The following USP42 variants were observed in gnomAD, a reference collection of about 807,000 sequenced individuals.
USP42 encodes the protein ubiquitin specific peptidase 42, also known as ubiquitin carboxyl-terminal hydrolase 42.
A neutral mutation model predicts 113.0 loss-of-function variants in USP42; 23 were observed. The observed-to-expected ratio is 0.20, with a 90% CI of 0.15 to 0.29. USP42 has a LOEUF of 0.29. USP42 is among the 10% of genes least tolerant of loss of function. The pLI is 1.00. For missense variants in USP42, 2,174 were observed against 1,779.8 expected (o/e 1.22, Z -3.99); for synonymous variants, 933 against 699.0 (o/e 1.33, Z -5.28).
rs895083141 is a variant in USP42 at position 6,161,353 on chromosome 7, T to A, written c.*835T>A. The A allele has an allele frequency of 1.3e-5, 2 of 152,606 alleles. No individual in the cohort carries two copies. The highest frequency in any genetic ancestry group is 2.4e-5 in the African/African-American group (1 of 41,440). The allele number at this position is 152,606 out of a possible 1,614,324, so 9.5% of individuals were successfully genotyped here. A position where few individuals can be genotyped will look rare whatever the true frequency, so the allele number is the denominator to read the frequency against. ...ATGCTATCAAACTGTGATACACTTATAATTCACTGGTCCTGCATCAGGAGA... is the reference window on the plus strand; with the variant it reads ...ATGCTATCAAACTGTGATACACTTAAAATTCACTGGTCCTGCATCAGGAGA... On this transcript the variant is annotated 3_prime_UTR_variant, in exon 18 of 18. Coordinates refer to ENST00000306177, the MANE Select transcript of USP42 (RefSeq NM_032172.3).
chr7:6,124,702 C>A (rs1158362106), intron 3 of USP42, among the ~76,000 whole-genome samples: 1 of 152,098 alleles, frequency 6.6e-6, no homozygotes, highest in African/African-American at 2.4e-5. Context: ...AATCTACCAT[C>A]TTGCTATTTT....
chr7:6,152,724 A>T (rs1466927627), intron 14 of USP42, among the ~76,000 whole-genome samples: 1 of 152,226 alleles, frequency 6.6e-6, no homozygotes, highest in African/African-American at 2.4e-5. Flanking sequence ...AGCAGCTTTC[A>T]TTATTAACCC....
intron 1 of USP42, among the ~76,000 whole-genome samples, chr7:6,106,443 T>C (rs991717757): frequency 7.2e-5 from 11 of 152,336 alleles, no homozygotes; most frequent in African/African-American, 2.4e-4. Context: ...TAGCATTTGA[T>C]AACAAGGGAG....
chr7:6,108,541 C>T (rs1013601343), intron 1 of USP42, among the ~76,000 whole-genome samples: 15 of 152,076 alleles, frequency 9.9e-5, no homozygotes, highest in African/African-American at 2.9e-4. Context: ...AGTGCAGTGG[C>T]GCGATCTCAG....
chr7:6,147,748 T>C lies in USP42; in HGVS notation c.1242T>C (p.Asp414=), dbSNP rs1463614314. The part of the protein sequence containing the change: ...AYVLFYIRSH[D]VKNGGELTHP... ...CTCTCCTTGTTTCCAGGTCCCATGA[T>C]GTGAAAAATGGAGGTGAACTTACTC... Residue 414 remains aspartate (D), a synonymous_variant, in exon 12 of 18, where the codon GAT becomes GAC. Coordinates refer to ENST00000306177, the MANE Select transcript of USP42 (RefSeq NM_032172.3). The C allele has an allele frequency of 1.3e-6, 2 of 1,581,772 alleles. No homozygotes were observed. Among genetic ancestry groups the C allele is most frequent in the Admixed American group, 3.5e-5 (2 of 57,518 alleles).
At position 6,155,213 on chromosome 7, in the gene USP42, T is replaced by G; in HGVS notation, c.3641+18T>G. 3.3e-6 allele frequency: 5 copies of G among 1,513,480 alleles called. No homozygotes were observed. The highest frequency in any genetic ancestry group is 4.4e-6 in the Non-Finnish European group (5 of 1,138,348). 93.8% of individuals were successfully genotyped at this position (1,513,480 alleles called of 1,614,324 possible). A position where few individuals can be genotyped will look rare whatever the true frequency, so the allele number is the denominator to read the frequency against. ...GACTCCAGGTGAGCCTGGGGCCTTGTGCTCCCCGAGGCGCTGGCGCTGCTG... is the reference window on the plus strand; with the variant it reads ...GACTCCAGGTGAGCCTGGGGCCTTGGGCTCCCCGAGGCGCTGGCGCTGCTG... On this transcript the variant is annotated intron_variant, in intron 15 of 17. Coordinates refer to ENST00000306177, the MANE Select transcript of USP42 (RefSeq NM_032172.3).
At position 6,159,318 on chromosome 7, in the gene USP42, G is replaced by T; in HGVS notation, c.3944-132G>T. On this transcript the variant is annotated intron_variant, in intron 16 of 17. Coordinates refer to ENST00000306177, the MANE Select transcript of USP42 (RefSeq NM_032172.3). The surrounding 1 kb of genome is among the most constrained non-coding windows in gnomAD (Gnocchi z 4.1). ...CTGGGACATCCCTGCTCACCTCACT[G>T]GGGAGTGGCCTCAGGCGCTCACAGG... is the stretch of plus-strand genomic sequence containing the variant. 8.7e-7 allele frequency: 1 copy of T among 1,151,784 alleles called. No individual in the cohort carries two copies. The highest frequency in any genetic ancestry group is 1.3e-6 in the Non-Finnish European group (1 of 786,718). 71.3% of individuals were successfully genotyped at this position (1,151,784 alleles called of 1,614,324 possible).
the USP42 span, chr7:6,081,605 G>T: frequency 6.6e-6 from 1 of 152,298 alleles, no homozygotes; most frequent in African/African-American, 2.4e-5. Context: ...TTTCCGACTG[G>T]GCAGGCGGGG....
At chr7:6,086,497 G>A in the USP42 span, among the ~76,000 whole-genome samples, 5 of 150,708 alleles carry the variant, frequency 3.3e-5, 1 homozygote, top group African/African-American at 9.9e-5. Flanking sequence ...GAGCCACCGC[G>A]CCCAGCCTAG....
intron 7 of USP42, among the ~76,000 whole-genome samples, chr7:6,141,480 G>C (rs1454673555): frequency 6.6e-6 from 1 of 151,946 alleles, no homozygotes; most frequent in African/African-American, 2.4e-5. Flanking sequence ...ACAGGCGTGA[G>C]CCACCGCGCC....
At chr7:6,105,354 C>A (rs867639519) in intron 1 of USP42, among the ~76,000 whole-genome samples, 4 of 148,708 alleles carry the variant, frequency 2.7e-5, no homozygotes, top group Admixed American at 2.0e-4. Flanking sequence ...CCCACCCCCA[C>A]CCGGCCCCAG....
the USP42 span, among the ~76,000 whole-genome samples, chr7:6,088,296 C>T: frequency 6.6e-6 from 1 of 150,910 alleles, no homozygotes; most frequent in African/African-American, 2.5e-5. Context: ...GATCTGTCAC[C>T]CTAGGCTGGA....
At chr7:6,129,578 G>A (rs1780731962) in intron 3 of USP42, among the ~76,000 whole-genome samples, 2 of 127,728 alleles carry the variant, frequency 1.6e-5, no homozygotes, top group African/African-American at 3.0e-5. Context: ...AAAAAAAAAA[G>A]GACGAGGCGC....
At chr7:6,155,221 G>C (rs749724749) in intron 15 of USP42, 26 bp downstream of exon 15, 1 of 1,503,426 alleles carries the variant, frequency 6.7e-7, no homozygotes, top group South Asian at 1.3e-5. Flanking sequence ...TGTGCTCCCC[G>C]AGGCGCTGGC....
At chr7:6,153,584 GTAAC>G (rs1453456582) in intron 14 of USP42, among the ~76,000 whole-genome samples, 168 bp from the exon 15 acceptor site, 2 of 152,218 alleles carry the variant, frequency 1.3e-5, no homozygotes, top group Admixed American at 6.5e-5. Flanking sequence ...GTATACATAT[GTAAC>G]TAACCTGCAC....
At chr7:6,114,956 C>G (rs1225501432) in intron 2 of USP42, among the ~76,000 whole-genome samples, 1 of 151,890 alleles carries the variant, frequency 6.6e-6, no homozygotes, top group African/African-American at 2.4e-5. Context: ...TCCCAAAGTG[C>G]TGGGATTATA....
chr7:6,109,013 C>T (rs1198771354), intron 1 of USP42, among the ~76,000 whole-genome samples: 1 of 152,148 alleles, frequency 6.6e-6, no homozygotes, highest in African/African-American at 2.4e-5. Flanking sequence ...AGTAAAACAG[C>T]TGTGGAGTAG....
the USP42 span, among the ~76,000 whole-genome samples, chr7:6,087,666 G>A: frequency 3.0e-3 from 458 of 150,930 alleles, 2 homozygotes; most frequent in Non-Finnish European, 5.6e-3. Flanking sequence ...TTCATTATAC[G>A]AAGTTGAGAT....
chr7:6,121,732 A>G (rs1479987661), intron 3 of USP42, among the ~76,000 whole-genome samples: 1 of 152,164 alleles, frequency 6.6e-6, no homozygotes, highest in East Asian at 1.9e-4. Context: ...TGGCAAGATC[A>G]TACCTCACTG....
Sources: gnomAD v4.1 joint callset for allele counts (sites outside exome capture counted in the v4.1 genomes callset) on GRCh38, gnomAD v4.1.1 for gene constraint, Gnocchi (gnomAD v3.1) non-coding constraint, MANE v1.5 for transcripts, NCBI Gene and HGNC (gene_info 2026-07-23, HGNC 2026-07-21) for gene names.